Variants in RELN observed in about 807,000 individuals in gnomAD.
RELN encodes reelin.
A neutral mutation model predicts 427.6 loss-of-function variants in RELN; 108 were observed. The observed-to-expected ratio is 0.25, with a 90% CI of 0.22 to 0.30. The LOEUF (loss-of-function observed/expected upper bound fraction) is 0.30. Among genes scored for constraint, RELN ranks in the 10% least tolerant of loss-of-function variants. The pLI, the probability that RELN is intolerant of heterozygous loss-of-function variation, is 1.00. For synonymous variants in RELN, 1,524 were observed against 1,513.4 expected, an observed-to-expected ratio of 1.01 and a Z score of -0.16; for missense variants, 3,715 against 4,302.8, an observed-to-expected ratio of 0.86 and a Z score of 3.82.
Position 103,603,084 on chromosome 7 carries a change from A to C in RELN, c.3333+220T>G, listed in dbSNP as rs985652544. Among the ~76,000 whole-genome samples the C allele has an allele frequency of 6.6e-6, 1 of 152,224 alleles. No homozygotes were observed. The highest frequency in any genetic ancestry group is 2.4e-5 in the African/African-American group (1 of 41,464). On this transcript the variant is annotated intron_variant, in intron 24 of 64. Transcript: ENST00000428762. This position sits in a 1 kb window ranked among gnomAD's most constrained non-coding sequence, Gnocchi z 4.3. The stretch of plus-strand genomic sequence containing the variant: ...TCAGGTACAGGAGGGTAGAAGTTTT[A>C]AACTGGCTTAACCTGATTTTTTAGT...
At chr7:103,822,285 CTAATT>C (rs1307215034) in intron 3 of RELN, among the ~76,000 whole-genome samples, 1 of 151,806 alleles carries the variant, frequency 6.6e-6, no homozygotes, top group Non-Finnish European at 1.5e-5. Flanking sequence ...CCATAAATAT[CTAATT>C]TAACAATAGA....
At position 103,540,214 on chromosome 7, in the gene RELN, G is replaced by A. The variant is rs746934935; in HGVS notation, c.6913C>T (p.Pro2305Ser). ...QPSENGHFYS[P>S]WVIDQILIGG... ...GGACTGACCTGATCGATAACCCAGG[G>A]GCTGTAGAAGTGCCCATTCTCAGAC... Residue 2305 changes from proline to serine, a missense_variant, in exon 44 of 65, where the codon CCC becomes TCC. Physicochemically the swap from Pro to Ser is moderately conservative, Grantham distance 74 (BLOSUM62 -1). Transcript: ENST00000428762. The A allele has an allele frequency of 6.2e-7, 1 of 1,614,162 alleles. No individual in the cohort carries two copies. The highest frequency in any genetic ancestry group is 1.1e-5 in the South Asian group (1 of 91,076).
At chr7:103,948,398 T>G (rs1796262259) in intron 1 of RELN, among the ~76,000 whole-genome samples, 1 of 152,026 alleles carries the variant, frequency 6.6e-6, no homozygotes, top group Non-Finnish European at 1.5e-5. Flanking sequence ...TGGGGCCGAG[T>G]GTGGTGACTC....
In RELN at chr7:103,756,607, A is replaced by C. The variant is rs909835644; in HGVS notation, c.545-3393T>G. The stretch of plus-strand genomic sequence containing the variant: ...TTTCAGAAAATAATTGAAGATCCAA[A>C]CCTTTAAAAAATGCCAGAATAGACA... On this transcript the variant is annotated intron_variant, in intron 4 of 64. Coordinates refer to ENST00000428762, the MANE Select transcript of RELN (RefSeq NM_005045.4). 2.0e-4 allele frequency among the ~76,000 whole-genome samples: 31 copies of C among 152,312 alleles called. 1 individual carries two copies. The highest frequency in any genetic ancestry group is 7.5e-4 in the African/African-American group (31 of 41,572).
intron 20 of RELN, among the ~76,000 whole-genome samples, chr7:103,617,180 G>A (rs1042844156): frequency 2.0e-5 from 3 of 152,142 alleles, no homozygotes; most frequent in Non-Finnish European, 4.4e-5. Context: ...GTGTGTGTGT[G>A]AAGCCTTTTC....
intron 2 of RELN, among the ~76,000 whole-genome samples, chr7:103,864,361 C>G (rs904743523): frequency 2.0e-4 from 30 of 152,132 alleles, no homozygotes; most frequent in African/African-American, 7.0e-4. Context: ...GTGCTGTTAA[C>G]TGCAAGTTGT....
intron 6 of RELN, among the ~76,000 whole-genome samples, chr7:103,735,917 G>C (rs550269592): frequency 1.3e-5 from 2 of 152,194 alleles, no homozygotes; most frequent in African/African-American, 2.4e-5. Flanking sequence ...AATGGAGATA[G>C]TCAGATAATT....
chr7:103,804,163 A>G (rs262329), intron 3 of RELN, among the ~76,000 whole-genome samples: 150,482 of 152,208 alleles, frequency 0.99, 74,404 homozygotes, highest in East Asian at 1. Context: ...TAATCTTTCT[A>G]TCTTGCATTT....
intron 23 of RELN, 48 bp downstream of exon 23, chr7:103,604,298 A>G: frequency 6.2e-7 from 1 of 1,612,138 alleles, no homozygotes; most frequent in Non-Finnish European, 8.5e-7. Context: ...TCCTCCAGCC[A>G]CAAATCTTGA....
At chr7:103,675,958 C>A (rs1383958627) in intron 11 of RELN, among the ~76,000 whole-genome samples, 2 of 152,078 alleles carry the variant, frequency 1.3e-5, no homozygotes, top group Non-Finnish European at 2.9e-5. Flanking sequence ...TAGGCAATAC[C>A]ATTCAGGACA....
In RELN at chr7:103,523,511, C is replaced by T. The variant is rs371157614; in HGVS notation, c.7370G>A (p.Arg2457His). The change falls in exon 47 of 65, where the codon CGT becomes CAT. Residue 2457 changes from arginine to histidine, a missense_variant. Around this residue, in one of 4 missense-constraint regions of RELN, gnomAD observed 1,310 missense variants for 1,643.0 expected, o/e 0.80. Transcript: ENST00000428762. ...GTCAAAAGGAGCTGGTTGATGCCAACGGAAACGAGTGGCTTGGGACCTTTG... is the reference window on the plus strand; with the variant it reads ...GTCAAAAGGAGCTGGTTGATGCCAATGGAAACGAGTGGCTTGGGACCTTTG... ...PYTRSQATRF[R>H]WHQPAPFDKQ... is the part of the protein sequence containing the mutation. 4 of 1,613,906 alleles carry T rather than the reference C, an allele frequency of 2.5e-6. No individual in the cohort carries two copies. Among genetic ancestry groups the T allele is most frequent in the South Asian group, 1.1e-5 (1 of 91,080 alleles).
chr7:103,835,479 G>A (rs1316439714), intron 2 of RELN, among the ~76,000 whole-genome samples: 3 of 152,156 alleles, frequency 2.0e-5, no homozygotes, highest in Non-Finnish European at 4.4e-5. Flanking sequence ...TAGGTTCATT[G>A]ATTGTACCAA....
At chr7:103,566,994 G>T (rs1323751291) in intron 31 of RELN, among the ~76,000 whole-genome samples, 1 of 152,110 alleles carries the variant, frequency 6.6e-6, no homozygotes, top group Non-Finnish European at 1.5e-5. Context: ...AGACTGCTCA[G>T]CTTTGTATGA....
chr7:103,733,484 T>C (rs935675790), intron 6 of RELN, among the ~76,000 whole-genome samples: 6 of 135,884 alleles, frequency 4.4e-5, no homozygotes, highest in Non-Finnish European at 8.1e-5. Flanking sequence ...TAAAGACACA[T>C]GCACATGTAT....
At chr7:103,943,943 T>G (rs1299472867) in intron 1 of RELN, among the ~76,000 whole-genome samples, 1 of 151,474 alleles carries the variant, frequency 6.6e-6, no homozygotes, top group African/African-American at 2.4e-5. Context: ...CCTTTATGGA[T>G]GCCAAGATAA....
intron 60 of RELN, among the ~76,000 whole-genome samples, chr7:103,487,608 T>C (rs543576057): frequency 3.9e-5 from 6 of 152,322 alleles, no homozygotes; most frequent in Admixed American, 2.0e-4. Flanking sequence ...ATGTCCGTAT[T>C]TGCCGTGTAA....
At position 103,594,488 on chromosome 7, in the gene RELN, C is replaced by T. The variant is rs1831492946; in HGVS notation, c.3544G>A (p.Val1182Ile). The change falls in exon 26 of 65, where the codon GTC becomes ATC. Residue 1182 changes from valine to isoleucine, a missense_variant. Physicochemically the swap from Val to Ile is conservative, Grantham distance 29 (BLOSUM62 3). Around this residue, in one of 4 missense-constraint regions of RELN, gnomAD observed 2,208 missense variants for 2,361.7 expected, o/e 0.93. Coordinates refer to ENST00000428762, the MANE Select transcript of RELN (RefSeq NM_005045.4). ...YFSDFSKPRF[V>I]YLELPAAAKT... ...GCAGCAGCTGGAAGCTCCAGATAGA[C>T]AAATCTGAATAAAAGTAAATCATTT... 6.2e-7 allele frequency: 1 copy of T among 1,612,220 alleles called. No homozygotes were observed. Among genetic ancestry groups the T allele is most frequent in the Admixed American group, 1.7e-5 (1 of 59,860 alleles).
intron 8 of RELN, among the ~76,000 whole-genome samples, chr7:103,705,512 A>G (rs536388833): frequency 2.6e-5 from 4 of 152,368 alleles, no homozygotes; most frequent in African/African-American, 9.6e-5. Flanking sequence ...AACAGATCAT[A>G]CTTAATTTTT....
At chr7:103,631,067 G>C (rs563746981) in intron 19 of RELN, among the ~76,000 whole-genome samples, 1 of 150,990 alleles carries the variant, frequency 6.6e-6, no homozygotes, top group Admixed American at 6.6e-5. Flanking sequence ...CATATTGAAA[G>C]TTATTTAGAA....
Sources: allele counts gnomAD v4.1 joint callset (sites outside exome capture counted in the v4.1 genomes callset), GRCh38; gene constraint gnomAD v4.1.1; regional missense constraint gnomAD v4.1.1; non-coding constraint Gnocchi (gnomAD v3.1); transcripts MANE v1.5; gene names NCBI Gene and HGNC (gene_info 2026-07-23, HGNC 2026-07-21).